The following IL1RAPL2 variants were observed in gnomAD, a reference collection of about 807,000 sequenced individuals.
IL1RAPL2 encodes the protein X-linked interleukin-1 receptor accessory protein-like 2.
Under a neutral mutation model 44.1 loss-of-function variants are expected in IL1RAPL2, and 3 were observed. The observed-to-expected ratio is 0.07, with a 90% CI of 0.03 to 0.18. The LOEUF is 0.18. Among genes scored for constraint, IL1RAPL2 ranks in the 10% least tolerant of loss-of-function variants. The pLI is 1.00. For synonymous variants in IL1RAPL2, 181 were observed against 178.8 expected, an observed-to-expected ratio of 1.01 and a Z score of -0.10; for missense variants, 391 against 496.4, an observed-to-expected ratio of 0.79 and a Z score of 2.02.
At chrX:105,293,027 G>A (rs763143314) in intron 5 of IL1RAPL2, among the ~76,000 whole-genome samples, 5 of 105,064 alleles carry the variant, frequency 4.8e-5, no homozygotes, top group African/African-American at 1.4e-4. Context: ...CAGGAGAATC[G>A]CTTGAACCCA....
intron 1 of IL1RAPL2, among the ~76,000 whole-genome samples, chrX:104,612,168 G>A (rs754296361): frequency 4.7e-4 from 53 of 112,023 alleles, no homozygotes; most frequent in Middle Eastern, 4.6e-3. Flanking sequence ...GGTTCTTGCT[G>A]TGCAGAAGCT....
intron 1 of IL1RAPL2, among the ~76,000 whole-genome samples, chrX:104,587,131 A>G (rs1488662366): frequency 8.9e-6 from 1 of 111,840 alleles, no homozygotes; most frequent in Non-Finnish European, 1.9e-5. Context: ...CTAGCTCTGC[A>G]GCTCTGGGTA....
At chrX:105,437,879 G>A (rs2035892687) in intron 5 of IL1RAPL2, among the ~76,000 whole-genome samples, 1 of 111,576 alleles carries the variant, frequency 9.0e-6, no homozygotes, top group African/African-American at 3.3e-5. Flanking sequence ...AGAAGTTTTT[G>A]TTTTTAGCAT....
intron 1 of IL1RAPL2, among the ~76,000 whole-genome samples, chrX:104,628,871 C>T (rs1250871526): frequency 8.9e-6 from 1 of 111,937 alleles, no homozygotes; most frequent in Non-Finnish European, 1.9e-5. Flanking sequence ...CAAGGATAGC[C>T]AATGCAGTAT....
intron 2 of IL1RAPL2, among the ~76,000 whole-genome samples, chrX:104,777,138 C>T (rs28411196): frequency 0.024 from 2,651 of 111,033 alleles, 85 homozygotes; most frequent in African/African-American, 0.082. Flanking sequence ...CAACCATCAC[C>T]GCCATCCATC....
intron 2 of IL1RAPL2, among the ~76,000 whole-genome samples, chrX:105,081,001 T>C (rs1431766299): frequency 9.0e-6 from 1 of 111,355 alleles, no homozygotes; most frequent in Non-Finnish European, 1.9e-5. Context: ...AGTTAACTCA[T>C]GGTTTGGCTC....
chrX:104,906,399 G>T (rs776569606), intron 2 of IL1RAPL2, among the ~76,000 whole-genome samples: 21 of 111,041 alleles, frequency 1.9e-4, no homozygotes, highest in Admixed American at 5.8e-4. Context: ...CAAAGGGAAT[G>T]CTTCCAGTTT....
intron 2 of IL1RAPL2, among the ~76,000 whole-genome samples, chrX:104,674,696 G>T (rs1428519104): frequency 1.8e-5 from 2 of 109,759 alleles, no homozygotes; most frequent in Non-Finnish European, 3.8e-5. Context: ...TTGTACCTCT[G>T]GTAGAATTCG....
intron 1 of IL1RAPL2, among the ~76,000 whole-genome samples, chrX:104,583,321 C>G (rs957634913): frequency 1.8e-5 from 2 of 111,445 alleles, no homozygotes; most frequent in African/African-American, 3.3e-5. Context: ...GTCATGCAAC[C>G]ATCACCACAG....
intron 6 of IL1RAPL2, among the ~76,000 whole-genome samples, chrX:105,616,404 T>G (rs1351338804): frequency 8.9e-6 from 1 of 111,838 alleles, no homozygotes; most frequent in African/African-American, 3.2e-5. Flanking sequence ...CCACCAGCAG[T>G]GGATGAGAAT....
intron 5 of IL1RAPL2, among the ~76,000 whole-genome samples, chrX:105,392,148 TAATAA>T (rs1486210774): frequency 1.2e-4 from 13 of 107,403 alleles, no homozygotes; most frequent in Non-Finnish European, 1.9e-4. Flanking sequence ...AGTATAATAA[TAATAA>T]AATAAAAAAA....
chrX:104,925,148 A>G (rs1040637129), intron 2 of IL1RAPL2, among the ~76,000 whole-genome samples: 1 of 107,270 alleles, frequency 9.3e-6, no homozygotes, highest in Admixed American at 1.0e-4. Flanking sequence ...AGAATGAACC[A>G]GTGAGAAATA....
At chrX:105,074,595 G>T (rs2032262264) in intron 2 of IL1RAPL2, among the ~76,000 whole-genome samples, 1 of 107,065 alleles carries the variant, frequency 9.3e-6, no homozygotes, top group South Asian at 4.3e-4. Context: ...TTGGTAGCTT[G>T]ATGGGGATGG....
chrX:105,079,865 G>A (rs2147546900), intron 2 of IL1RAPL2, among the ~76,000 whole-genome samples: 1 of 111,080 alleles, frequency 9.0e-6, no homozygotes. Flanking sequence ...AGCATCTGTT[G>A]TTTCCTGACT....
intron 5 of IL1RAPL2, among the ~76,000 whole-genome samples, chrX:105,416,638 A>G (rs2035735324): frequency 8.9e-6 from 1 of 111,932 alleles, no homozygotes; most frequent in Non-Finnish European, 1.9e-5. Flanking sequence ...TACTGCTACT[A>G]TTTTCTCTAC....
chrX:105,407,491 CTT>C (rs932260380), intron 5 of IL1RAPL2, among the ~76,000 whole-genome samples: 5 of 111,654 alleles, frequency 4.5e-5, no homozygotes, highest in African/African-American at 1.6e-4. Flanking sequence ...ATTGTTAAAA[CTT>C]TATGAAAACT....
intron 2 of IL1RAPL2, among the ~76,000 whole-genome samples, chrX:104,768,058 G>A (rs969677708): frequency 2.7e-5 from 3 of 111,476 alleles, no homozygotes; most frequent in African/African-American, 9.8e-5. Context: ...AAAGTAACAC[G>A]TACAACATGA....
intron 2 of IL1RAPL2, among the ~76,000 whole-genome samples, chrX:104,930,796 T>C (rs1031941500): frequency 1.2e-4 from 13 of 111,890 alleles, no homozygotes; most frequent in Non-Finnish European, 1.9e-5. Flanking sequence ...ACTTATTAAA[T>C]CATTTCTTCA....
At chrX:105,290,671 C>CT (rs2034606016) in intron 5 of IL1RAPL2, among the ~76,000 whole-genome samples, 6 of 111,020 alleles carry the variant, frequency 5.4e-5, no homozygotes, top group Non-Finnish European at 1.1e-4. Context: ...CAAATAACTT[C>CT]TTTATTTTCT....
Sources: allele counts gnomAD v4.1 joint callset (sites outside exome capture counted in the v4.1 genomes callset), GRCh38; gene constraint gnomAD v4.1.1; transcripts MANE v1.5; gene names NCBI Gene and HGNC (gene_info 2026-07-23, HGNC 2026-07-21).